SLC27A2: variants seen among roughly 807,000 people sequenced by gnomAD.
The protein encoded by SLC27A2 is long-chain fatty acid transport protein 2.
SLC27A2 carries 54 observed loss-of-function variants against 60.0 expected under a neutral mutation model. The ratio of observed to expected loss-of-function variants is 0.90; its 90% CI spans 0.72 to 1.13. The LOEUF is 1.13. SLC27A2 is among the 50% of genes most tolerant of loss of function. SLC27A2 has a pLI of 0.00. For synonymous variants in SLC27A2, 297 were observed against 297.6 expected (o/e 1.00, Z 0.02); for missense variants, 739 against 777.6 (o/e 0.95, Z 0.59).
chr15:50,184,996 G>C (rs2044909258), intron 1 of SLC27A2, among the ~76,000 whole-genome samples: 4 of 152,148 alleles, frequency 2.6e-5, no homozygotes, highest in Admixed American at 2.6e-4. Flanking sequence ...TACTTTACCA[G>C]CTTGCTTGGA....
At chr15:50,183,927 G>A (rs1752040024) in intron 1 of SLC27A2, among the ~76,000 whole-genome samples, 1 of 147,834 alleles carries the variant, frequency 6.8e-6, no homozygotes, top group African/African-American at 2.5e-5. Context: ...TTATACAGTT[G>A]AGAAAACTGA....
chr15:50,232,190 C>G (rs1439470640), intron 8 of SLC27A2, among the ~76,000 whole-genome samples: 1 of 152,182 alleles, frequency 6.6e-6, no homozygotes, highest in African/African-American at 2.4e-5. Flanking sequence ...CACACCTCAG[C>G]TTTGGAACAG....
At chr15:50,196,614 T>C (rs2045025776) in intron 1 of SLC27A2, among the ~76,000 whole-genome samples, 1 of 152,220 alleles carries the variant, frequency 6.6e-6, no homozygotes, top group South Asian at 2.1e-4. Flanking sequence ...TTTACTATGC[T>C]AAGATGTGCT....
At chr15:50,184,251 G>A (rs1022174759) in intron 1 of SLC27A2, among the ~76,000 whole-genome samples, 4 of 151,610 alleles carry the variant, frequency 2.6e-5, no homozygotes, top group East Asian at 2.0e-4. Flanking sequence ...CCTTGGCCTC[G>A]CAAAGTGCTG....
intron 4 of SLC27A2, among the ~76,000 whole-genome samples, chr15:50,205,573 C>G (rs943885640): frequency 2.0e-5 from 3 of 152,004 alleles, no homozygotes; most frequent in Admixed American, 6.6e-5. Context: ...ATGATTATTT[C>G]CTGCCTTTTT....
chr15:50,184,301 A>G (rs995179004), intron 1 of SLC27A2, among the ~76,000 whole-genome samples: 2 of 151,826 alleles, frequency 1.3e-5, no homozygotes, highest in African/African-American at 2.4e-5. Flanking sequence ...CCTCTTTCCT[A>G]CATCTTATTG....
chr15:50,201,770 T>C (rs2045066037), intron 2 of SLC27A2, among the ~76,000 whole-genome samples: 1 of 152,070 alleles, frequency 6.6e-6, no homozygotes, highest in Non-Finnish European at 1.5e-5. Context: ...TTAGCCAGGA[T>C]GGTCTTGATC....
In SLC27A2 at chr15:50,196,078, ATATATATATATATATATAT is replaced by A. The variant is rs1213334724; in HGVS notation, c.479-1421_479-1403del. On this transcript the variant is annotated intron_variant, in intron 1 of 9. Transcript: ENST00000267842. ...CAAAAAAAAAAAAAAAAAAAAAAAA[ATATATATATATATATATAT>A]ATATATATATATATATATATATATA... Among the ~76,000 whole-genome samples the A allele has an allele frequency of 1.7e-3, 13 of 7,800 alleles. 1 individual carries two copies. The highest frequency in any genetic ancestry group is 0.016 in the East Asian group (2 of 128). The allele number at this position is 7,800 out of a possible 152,430, so 5.1% of individuals were successfully genotyped here. A position where few individuals can be genotyped will look rare whatever the true frequency, so the allele number is the denominator to read the frequency against.
Position 50,227,169 on chromosome 15 carries a change from A to T in SLC27A2, c.1448A>T (p.Asp483Val). 1 of 1,613,680 alleles carries T rather than the reference A, an allele frequency of 6.2e-7. No individual in the cohort carries two copies. Among genetic ancestry groups the T allele is most frequent in the Non-Finnish European group, 8.5e-7 (1 of 1,179,748 alleles). Residue 483 changes from aspartate (D) to valine (V), a missense_variant, in exon 7 of 10, where the codon GAT becomes GTT. Asp to Val is a radical substitution (Grantham distance 152). Transcript: ENST00000267842. Reference protein sequence around the residue: ...NFIYFHDRVGDTFRWKGENVA... With the variant: ...NFIYFHDRVGVTFRWKGENVA... ...ATCTATTTCCACGACAGAGTTGGAG[A>T]TACATTCCGGTTGGTTTTTCTGAAT...
chr15:50,223,181 A>T (rs1667896037), intron 5 of SLC27A2, 22 bp downstream of exon 5: 2 of 1,561,284 alleles, frequency 1.3e-6, no homozygotes, highest in African/African-American at 2.7e-5. Flanking sequence ...GAAAAATGAG[A>T]GCATACGTAG....
chr15:50,182,324 C>A lies in SLC27A2; in HGVS notation c.-104C>A, dbSNP rs573450085. On this transcript the variant is annotated 5_prime_UTR_variant, in exon 1 of 10. Transcript: ENST00000267842. ...CGAGCCCGGCGTCCCGCCGCGTGCG[C>A]CCCGGCGCAGCCCGCCAGTCCGCCC... 14 of 1,343,732 alleles carry A rather than the reference C, an allele frequency of 1.0e-5. No homozygotes were observed. In the Admixed American group the frequency reaches 2.4e-4, roughly 23 times the overall value. 83.2% of individuals were successfully genotyped at this position (1,343,732 alleles called of 1,614,324 possible).
intron 4 of SLC27A2, among the ~76,000 whole-genome samples, chr15:50,219,807 C>G (rs893375165): frequency 5.9e-5 from 9 of 152,148 alleles, no homozygotes; most frequent in Admixed American, 5.2e-4. Flanking sequence ...ACATCTTGAC[C>G]TCTTGCTCCT....
rs1466822859 is a variant in SLC27A2 at position 50,233,994 on chromosome 15, T to C, written c.1682T>C (p.Ile561Thr). 6.2e-7 allele frequency: 1 copy of C among 1,610,630 alleles called. No homozygotes were observed. Among genetic ancestry groups the C allele is most frequent in the Non-Finnish European group, 8.5e-7 (1 of 1,178,414 alleles). Reference protein sequence around the residue: ...PSYARPRFLRIQDTIEITGTF... With the variant: ...PSYARPRFLRTQDTIEITGTF... ...TATGCAAGGCCCCGGTTTCTAAGAA[T>C]ACAGGTGAGATCTCTTATTATCCAG... is the stretch of plus-strand genomic sequence containing the variant. The change falls in exon 9 of 10, where the codon ATA becomes ACA. Residue 561 changes from isoleucine (I) to threonine (T), a missense_variant. Ile to Thr is a moderately conservative substitution (Grantham distance 89, BLOSUM62 -1). Coordinates refer to ENST00000267842, the MANE Select transcript of SLC27A2 (RefSeq NM_003645.4).
intron 4 of SLC27A2, among the ~76,000 whole-genome samples, chr15:50,212,872 G>T (rs1355231088): frequency 6.6e-6 from 1 of 151,870 alleles, no homozygotes; most frequent in Admixed American, 6.6e-5. Context: ...TATAAAACAA[G>T]AATACAAGTG....
intron 8 of SLC27A2, among the ~76,000 whole-genome samples, chr15:50,230,032 G>T (rs978635185): frequency 6.7e-6 from 1 of 149,658 alleles, no homozygotes; most frequent in East Asian, 2.0e-4. Context: ...TCAGGAGATC[G>T]AGAGTATACT....
At chr15:50,192,548 T>A (rs542614760) in intron 1 of SLC27A2, among the ~76,000 whole-genome samples, 175 of 152,204 alleles carry the variant, frequency 1.1e-3, no homozygotes, top group Non-Finnish European at 1.6e-3. Flanking sequence ...TTCTTTTTTT[T>A]TAAATTTTTT....
In SLC27A2 at chr15:50,235,925, C is replaced by T. The variant is rs764559082; in HGVS notation, c.1692C>T (p.Thr564=). ...GATTATTTGATGTTTTTCAGGACAC[C>T]ATTGAGATCACTGGAACTTTTAAAC... The part of the protein sequence containing the change: ...ARPRFLRIQD[T]IEITGTFKHR... The change falls in exon 10 of 10, where the codon ACC becomes ACT. Residue 564 remains threonine (T), a synonymous_variant. Transcript: ENST00000267842. The T allele has an allele frequency of 4.8e-5, 78 of 1,610,950 alleles. No homozygotes were observed. The Admixed American group carries it at 6.9e-4, about 14-fold the overall frequency.
In SLC27A2 at chr15:50,234,607, A is replaced by AC. The variant is rs1555502259; in HGVS notation, c.1686+609_1686+610insC. Among the ~76,000 whole-genome samples, 786 of 146,740 alleles carry AC rather than the reference A, an allele frequency of 5.4e-3. 16 individuals carry two copies. Among genetic ancestry groups the AC allele is most frequent in the Non-Finnish European group, 6.4e-3 (421 of 65,996 alleles). ...ATCTCCAAAAAAAAAAAAAAAAAAA[A>AC]AATTAGCCAGGCATGGTGATGTGCA... On this transcript the variant is annotated intron_variant, in intron 9 of 9. Transcript: ENST00000267842.
intron 4 of SLC27A2, 135 bp downstream of exon 4, chr15:50,205,498 C>A: frequency 1.2e-6 from 1 of 828,896 alleles, no homozygotes; most frequent in Non-Finnish European, 1.8e-6. Context: ...TGATAAAGTA[C>A]TTGGCACTAT....
Sources: allele counts gnomAD v4.1 joint callset (sites outside exome capture counted in the v4.1 genomes callset), GRCh38; gene constraint gnomAD v4.1.1; transcripts MANE v1.5; gene names NCBI Gene and HGNC (gene_info 2026-07-23, HGNC 2026-07-21).